Variants in TPM4 observed in about 807,000 individuals in gnomAD.
TPM4 encodes the protein tropomyosin 4.
In TPM4, 17 loss-of-function variants were observed where a neutral mutation model predicts 35.8. That is an observed-to-expected ratio of 0.47 (90% CI 0.32 to 0.71). The LOEUF is 0.71. TPM4 is among the 30% of genes least tolerant of loss of function. The pLI is 0.03. For missense variants in TPM4, 240 were observed against 320.9 expected (o/e 0.75, Z 1.93); for synonymous variants, 120 against 122.9 (o/e 0.98, Z 0.15).
Position 16,102,932 on chromosome 19 carries a change from C to G in TPM4, c.*1586C>G, listed in dbSNP as rs1312889672. On this transcript the variant is annotated 3_prime_UTR_variant, in exon 8 of 8. Transcript: ENST00000643579. ...TGGAATAAAATCCACACTTTAGATT[C>G]TTGCAACTGTATCATATGTAATAGT... 2 of 200,068 alleles carry G rather than the reference C, an allele frequency of 1.0e-5. No homozygotes were observed. Among genetic ancestry groups the G allele is most frequent in the Non-Finnish European group, 2.0e-5 (2 of 98,048 alleles). 12.4% of individuals were successfully genotyped at this position (200,068 alleles called of 1,614,324 possible).
chr19:16,078,830 TAAAAAAAAA>T (rs55714667), intron 1 of TPM4, among the ~76,000 whole-genome samples: 5 of 126,406 alleles, frequency 4.0e-5, no homozygotes, highest in Non-Finnish European at 8.3e-5. Context: ...AGGGGTGGGT[TAAAAAAAAA>T]AAAAAAAAAA....
upstream of TPM4, chr19:16,076,124 G>A: frequency 6.3e-7 from 1 of 1,587,704 alleles, no homozygotes; most frequent in Non-Finnish European, 8.6e-7. Flanking sequence ...CCGAGGACCT[G>A]AAGGACGCGC....
chr19:16,076,628 G>C lies in TPM4; in HGVS notation c.63G>C (p.Ala21=). ...AGATCCAGGCCCTGCAGCAGCAGGC[G>C]GACGAGGCGGAAGACCGCGCGCAGG... ...KRKIQALQQQ[A]DEAEDRAQGL... The change falls in exon 1 of 8, where the codon GCG becomes GCC. Residue 21 remains alanine, a synonymous_variant. Transcript: ENST00000643579. 1 of 1,459,890 alleles carries C rather than the reference G, an allele frequency of 6.8e-7. No individual in the cohort carries two copies. Among genetic ancestry groups the C allele is most frequent in the Non-Finnish European group, 9.0e-7 (1 of 1,112,030 alleles). 90.4% of individuals were successfully genotyped at this position (1,459,890 alleles called of 1,614,324 possible). A position where few individuals can be genotyped will look rare whatever the true frequency, so the allele number is the denominator to read the frequency against.
chr19:16,086,779 G>A (rs1042989176), intron 3 of TPM4, among the ~76,000 whole-genome samples: 6 of 152,170 alleles, frequency 3.9e-5, no homozygotes, highest in African/African-American at 1.4e-4. Flanking sequence ...GCTCACTTGT[G>A]TCGTTAGCTG....
intron 3 of TPM4, 45 bp downstream of exon 3, chr19:16,086,585 A>G (rs2090555980): frequency 6.5e-7 from 1 of 1,532,944 alleles, no homozygotes; most frequent in African/African-American, 1.4e-5. Flanking sequence ...AGTGGGAGGA[A>G]ATGCATCTGC....
chr19:16,076,967 G>C (rs1345245921), intron 1 of TPM4: 12 of 533,450 alleles, frequency 2.2e-5, no homozygotes, highest in Non-Finnish European at 3.2e-5. Context: ...GGATGGGGCG[G>C]AGGGGGTGAG....
chr19:16,077,880 G>A (rs983511650), intron 1 of TPM4: 3 of 303,860 alleles, frequency 9.9e-6, no homozygotes, highest in Non-Finnish European at 1.8e-5. Context: ...TCCTGCTTCA[G>A]CCTCCCGAGT....
At chr19:16,075,600 AG>A (rs2144915380), upstream of TPM4, 1 of 157,782 alleles carries the variant, frequency 6.3e-6, no homozygotes, top group African/African-American at 2.4e-5. Flanking sequence ...TTTGTTAGAA[AG>A]TTTCTCTGAC....
At chr19:16,076,073 G>A (rs370096960), upstream of TPM4, 16 of 1,579,866 alleles carry the variant, frequency 1.0e-5, 1 homozygote, top group African/African-American at 2.0e-4. Context: ...CGCACCTCCA[G>A]AAGAAACTAA....
In TPM4 at chr19:16,101,610, G is replaced by A. The variant is rs1168823150; in HGVS notation, c.*264G>A. On this transcript the variant is annotated 3_prime_UTR_variant, in exon 8 of 8. Coordinates refer to ENST00000643579, the MANE Select transcript of TPM4 (RefSeq NM_003290.3). Reference sequence around the variant, plus strand: ...GTAGCATTTATTCCTAAGGTAGGCAGGGTATTTCCTAGTAAGCATACTTTC... The same window carrying A: ...GTAGCATTTATTCCTAAGGTAGGCAAGGTATTTCCTAGTAAGCATACTTTC... 4 of 372,318 alleles carry A rather than the reference G, an allele frequency of 1.1e-5. No homozygotes were observed. The highest frequency in any genetic ancestry group is 4.4e-5 in the Admixed American group (1 of 22,668). 23.1% of individuals were successfully genotyped at this position (372,318 alleles called of 1,614,324 possible). A position where few individuals can be genotyped will look rare whatever the true frequency, so the allele number is the denominator to read the frequency against.
chr19:16,075,902 A>C, upstream of TPM4: 2 of 1,201,254 alleles, frequency 1.7e-6, no homozygotes, highest in Non-Finnish European at 1.1e-6. Flanking sequence ...GGTGCATGCT[A>C]TCGCAACCCC....
chr19:16,071,534 T>C (rs2090356887), upstream of TPM4, among the ~76,000 whole-genome samples: 1 of 152,198 alleles, frequency 6.6e-6, no homozygotes, highest in Non-Finnish European at 1.5e-5. Context: ...TGCACATTTC[T>C]GAGCCCTCAG....
intron 1 of TPM4, among the ~76,000 whole-genome samples, chr19:16,079,196 A>G (rs2090450836): frequency 6.6e-6 from 1 of 152,216 alleles, no homozygotes; most frequent in South Asian, 2.1e-4. Flanking sequence ...AATTTCCCAC[A>G]TAAGGGCTAC....
At position 16,086,735 on chromosome 19, in the gene TPM4, G is replaced by A. The variant is rs763264868; in HGVS notation, c.384+195G>A. ...CACGATGCCAGAAAGTGCTGCGGACGCTTGTCTAACGTAATGGGAAAACCG... is the reference window on the plus strand; with the variant it reads ...CACGATGCCAGAAAGTGCTGCGGACACTTGTCTAACGTAATGGGAAAACCG... On this transcript the variant is annotated intron_variant, in intron 3 of 7. Coordinates refer to ENST00000643579, the MANE Select transcript of TPM4 (RefSeq NM_003290.3). Among the ~76,000 whole-genome samples, 11 of 152,306 alleles carry A rather than the reference G, an allele frequency of 7.2e-5. No individual in the cohort carries two copies. In the South Asian group the frequency reaches 1.4e-3, roughly 20 times the overall value.
At chr19:16,087,997 G>A (rs373195006) in intron 3 of TPM4, 30 bp from the exon 4 acceptor site, 38 of 1,593,160 alleles carry the variant, frequency 2.4e-5, no homozygotes, top group East Asian at 1.4e-4. Context: ...GGTGGGGATC[G>A]GGCTCAGCTG....
chr19:16,083,214 C>T (rs372254098), intron 2 of TPM4, among the ~76,000 whole-genome samples: 40 of 152,180 alleles, frequency 2.6e-4, no homozygotes, highest in East Asian at 2.1e-3. Flanking sequence ...GATGACGAGG[C>T]GGGTGGATCA....
At chr19:16,098,082 TG>T (rs2090720715) in intron 7 of TPM4, among the ~76,000 whole-genome samples, 1 of 152,178 alleles carries the variant, frequency 6.6e-6, no homozygotes, top group African/African-American at 2.4e-5. Context: ...CTCCACCCTT[TG>T]AAGTAACTAT....
upstream of TPM4, among the ~76,000 whole-genome samples, chr19:16,073,510 C>CG (rs1416891411): frequency 1.3e-5 from 2 of 152,092 alleles, no homozygotes; most frequent in Non-Finnish European, 2.9e-5. Context: ...GAAAAGGGGA[C>CG]GGGGGTCGCA....
chr19:16,083,215 G>A (rs750315350), intron 2 of TPM4, among the ~76,000 whole-genome samples: 18 of 152,086 alleles, frequency 1.2e-4, no homozygotes, highest in Non-Finnish European at 1.9e-4. Context: ...ATGACGAGGC[G>A]GGTGGATCAA....
Sources: allele counts gnomAD v4.1 joint callset (sites outside exome capture counted in the v4.1 genomes callset), GRCh38; gene constraint gnomAD v4.1.1; transcripts MANE v1.5; gene names NCBI Gene and HGNC (gene_info 2026-07-23, HGNC 2026-07-21).